PAX8: variants seen among roughly 807,000 people sequenced by gnomAD.
The protein encoded by PAX8 is paired box protein Pax-8.
PAX8 carries 15 observed loss-of-function variants against 52.4 expected under a neutral mutation model. That is an observed-to-expected ratio of 0.29 (90% CI 0.19 to 0.44). PAX8 has a LOEUF of 0.44. PAX8 is among the 20% of genes least tolerant of loss of function. The pLI, the probability that PAX8 is intolerant of heterozygous loss-of-function variation, is 1.00. For synonymous variants in PAX8, 284 were observed against 249.7 expected (o/e 1.14, Z -1.29); for missense variants, 554 against 602.5 (o/e 0.92, Z 0.84).
At chr2:113,273,464 T>C (rs113616298) in intron 2 of PAX8, 1 of 152,258 alleles carries the variant, frequency 6.6e-6, no homozygotes, top group Admixed American at 6.5e-5. Flanking sequence ...GCTTTACTCT[T>C]TGATCTAGAT....
rs1341642393 is a variant in PAX8 at position 113,242,564 on chromosome 2, G to T, written c.478+126C>A. On this transcript the variant is annotated intron_variant, in intron 5 of 11. Coordinates refer to ENST00000429538, the MANE Select transcript of PAX8 (RefSeq NM_003466.4). ...CACAACTCAGTCTACACATGGGTTT[G>T]TGAATGGTACTGTGCACAGCTATGT... 5 of 785,140 alleles carry T rather than the reference G, an allele frequency of 6.4e-6. No homozygotes were observed. In the South Asian group the frequency reaches 6.9e-5, roughly 11 times the overall value. The allele number at this position is 785,140 out of a possible 1,614,324, so 48.6% of individuals were successfully genotyped here.
chr2:113,249,983 G>T (rs1305842925), intron 2 of PAX8, among the ~76,000 whole-genome samples: 3 of 152,072 alleles, frequency 2.0e-5, no homozygotes, highest in Non-Finnish European at 1.5e-5. Context: ...AAGAAGATAG[G>T]GGGGCTGGGT....
intron 8 of PAX8, 118 bp from the exon 9 acceptor site, chr2:113,235,700 GC>G: frequency 1.3e-6 from 1 of 767,504 alleles, no homozygotes; most frequent in Non-Finnish European, 2.1e-6. Flanking sequence ...AGGCTCAGCT[GC>G]CCTCAGAGTC....
At chr2:113,257,855 T>C (rs981554500) in intron 2 of PAX8, among the ~76,000 whole-genome samples, 1 of 152,218 alleles carries the variant, frequency 6.6e-6, no homozygotes, top group Non-Finnish European at 1.5e-5. Context: ...TTTCAATTAA[T>C]TCTTATAATA....
At chr2:113,236,766 C>A in intron 7 of PAX8, 45 bp from the exon 8 acceptor site, 1 of 1,540,464 alleles carries the variant, frequency 6.5e-7, no homozygotes. Context: ...ATCCAACAAG[C>A]CGACCTTCCT....
intron 2 of PAX8, chr2:113,266,108 G>A (rs1229819885): frequency 6.6e-6 from 1 of 152,324 alleles, no homozygotes; most frequent in Non-Finnish European, 1.5e-5. Context: ...GGGCCAGGAG[G>A]AGAGGAGAGA....
intron 7 of PAX8, chr2:113,237,268 A>G (rs1690439387): frequency 6.6e-6 from 1 of 152,666 alleles, no homozygotes; most frequent in Non-Finnish European, 1.5e-5. Context: ...TACATTTGCA[A>G]AGAGCTTATA....
chr2:113,243,101 G>A (rs1036492903), intron 4 of PAX8, among the ~76,000 whole-genome samples: 24 of 152,116 alleles, frequency 1.6e-4, no homozygotes, highest in African/African-American at 4.3e-4. Flanking sequence ...CCCTCTCTGC[G>A]TCTCTCCATC....
At chr2:113,267,388 T>C (rs1434495915) in intron 2 of PAX8, 1 of 152,186 alleles carries the variant, frequency 6.6e-6, no homozygotes, top group Non-Finnish European at 1.5e-5. Flanking sequence ...CCCTGGATCT[T>C]ATGTGAAAAC....
intron 4 of PAX8, among the ~76,000 whole-genome samples, 198 bp from the exon 5 acceptor site, chr2:113,242,976 A>G (rs139793779): frequency 1.3e-5 from 2 of 152,264 alleles, no homozygotes; most frequent in East Asian, 3.9e-4. Context: ...GATTGGTACC[A>G]TCAGTCACTC....
intron 2 of PAX8, chr2:113,275,084 T>C (rs1373964047): frequency 6.6e-6 from 1 of 152,184 alleles, no homozygotes; most frequent in Non-Finnish European, 1.5e-5. Flanking sequence ...TTAGGCAGAG[T>C]CCTTTTGGGG....
chr2:113,241,508 G>A (rs1372363516), intron 7 of PAX8, 43 bp downstream of exon 7: 3 of 1,551,230 alleles, frequency 1.9e-6, no homozygotes, highest in Non-Finnish European at 1.7e-6. Context: ...ACCTTCTCTG[G>A]CCCTTGCCCA....
intron 7 of PAX8, chr2:113,238,719 A>G (rs1000030869): frequency 6.6e-6 from 1 of 152,148 alleles, no homozygotes; most frequent in Non-Finnish European, 1.5e-5. Context: ...GACTGCTCTG[A>G]ACCTTAATTT....
intron 2 of PAX8, chr2:113,275,305 G>A (rs1481359257): frequency 6.6e-6 from 1 of 152,170 alleles, no homozygotes; most frequent in Non-Finnish European, 1.5e-5. Context: ...ATTGTGGAGG[G>A]TGGGGGGGAA....
chr2:113,245,560 G>A (rs939598986), intron 3 of PAX8, among the ~76,000 whole-genome samples: 8 of 152,228 alleles, frequency 5.3e-5, no homozygotes, highest in South Asian at 2.1e-4. Flanking sequence ...TGGATCCCCA[G>A]CCAGGTCCAA....
chr2:113,226,945 G>A, intron 10 of PAX8: 4 of 1,469,634 alleles, frequency 2.7e-6, no homozygotes, highest in Non-Finnish European at 3.6e-6. Flanking sequence ...GAAGAAGGAG[G>A]CCGAGCTGGG....
chr2:113,225,795 G>A (rs1689527639), intron 10 of PAX8: 1 of 382,946 alleles, frequency 2.6e-6, no homozygotes, highest in Non-Finnish European at 3.6e-6. Context: ...CAGGCGGCAG[G>A]GGAAGGTGGA....
intron 11 of PAX8, among the ~76,000 whole-genome samples, chr2:113,219,503 G>A (rs371572615): frequency 3.3e-5 from 5 of 152,332 alleles, no homozygotes; most frequent in Admixed American, 2.0e-4. Context: ...CTGGAAGCTC[G>A]CTGAAGCTCA....
At chr2:113,257,959 A>G (rs763797266) in intron 2 of PAX8, among the ~76,000 whole-genome samples, 18 of 152,218 alleles carry the variant, frequency 1.2e-4, no homozygotes, top group Non-Finnish European at 2.6e-4. Flanking sequence ...ACCTTTACAA[A>G]GTGGCATTAC....
Sources: allele counts gnomAD v4.1 joint callset (sites outside exome capture counted in the v4.1 genomes callset), GRCh38; gene constraint gnomAD v4.1.1; transcripts MANE v1.5; gene names NCBI Gene and HGNC (gene_info 2026-07-23, HGNC 2026-07-21).